Variants in NVL observed in about 807,000 individuals in gnomAD.
NVL encodes the protein nuclear valosin-containing protein-like.
In NVL, 84 loss-of-function variants were observed where a neutral mutation model predicts 110.2. The observed-to-expected ratio is 0.76, with a 90% CI of 0.64 to 0.91. The LOEUF (loss-of-function observed/expected upper bound fraction) is 0.91. Among genes scored for constraint, NVL ranks in the 40% least tolerant of loss-of-function variants. The pLI is 0.00. For synonymous variants in NVL, 354 were observed against 361.1 expected, an observed-to-expected ratio of 0.98 and a Z score of 0.22; for missense variants, 882 against 1,035.9, an observed-to-expected ratio of 0.85 and a Z score of 2.04.
intron 22 of NVL, among the ~76,000 whole-genome samples, chr1:224,230,792 G>A (rs1392365807): frequency 7.9e-5 from 12 of 152,096 alleles, no homozygotes; most frequent in African/African-American, 2.9e-4. Context: ...AATGAACCAT[G>A]TAATTTCTTT....
At chr1:224,238,653 T>G (rs1421933312) in intron 19 of NVL, among the ~76,000 whole-genome samples, 2 of 152,216 alleles carry the variant, frequency 1.3e-5, no homozygotes, top group Non-Finnish European at 2.9e-5. Flanking sequence ...TGTGCTTTTT[T>G]CTCTAAGTAA....
At chr1:224,306,741 G>A (rs1032290371) in intron 6 of NVL, among the ~76,000 whole-genome samples, 1 of 152,114 alleles carries the variant, frequency 6.6e-6, no homozygotes, top group African/African-American at 2.4e-5. Flanking sequence ...ACTGAGGTGG[G>A]GGGATGGCTT....
rs1319053246 is a variant in NVL at position 224,303,751 on chromosome 1, T to A, written c.932A>T (p.Lys311Met). 9.3e-6 allele frequency: 15 copies of A among 1,613,626 alleles called. No homozygotes were observed. Among genetic ancestry groups the A allele is most frequent in the Non-Finnish European group, 1.2e-5 (14 of 1,179,766 alleles). Residue 311 changes from lysine (K) to methionine (M), a missense_variant, in exon 9 of 23, where the codon AAG (lysine) becomes ATG (methionine). Around this residue, in one of 4 missense-constraint regions of NVL, gnomAD observed 416 missense variants for 499.3 expected, o/e 0.83. Transcript: ENST00000281701. ...AGCAATTGCATGTGCAAGTAATGTC[T>A]TCCCACAGCCTGGTGGTCCATGAAG... ...VLLHGPPGCG[K>M]TLLAHAIAGE...
chr1:224,310,848 A>G (rs1669448292), intron 5 of NVL, among the ~76,000 whole-genome samples: 1 of 151,956 alleles, frequency 6.6e-6, no homozygotes, highest in Non-Finnish European at 1.5e-5. Context: ...CTCCAGCCTC[A>G]GCCTCCTGAG....
chr1:224,239,574 C>T (rs1246092252), intron 19 of NVL, among the ~76,000 whole-genome samples: 1 of 152,122 alleles, frequency 6.6e-6, no homozygotes, highest in African/African-American at 2.4e-5. Context: ...AAGGACACTC[C>T]GCGTGCTGTT....
At chr1:224,311,309 C>A (rs1023182648) in intron 5 of NVL, among the ~76,000 whole-genome samples, 4 of 151,868 alleles carry the variant, frequency 2.6e-5, no homozygotes, top group Admixed American at 6.6e-5. Flanking sequence ...GATCCACCCT[C>A]CTTGGCCTTC....
At chr1:224,279,249 G>C (rs190251696) in intron 16 of NVL, among the ~76,000 whole-genome samples, 13 of 152,142 alleles carry the variant, frequency 8.5e-5, no homozygotes, top group Admixed American at 6.6e-4. Flanking sequence ...CATCAACAGA[G>C]ATAAGTATTA....
In NVL at chr1:224,293,444, T is replaced by A. The variant is rs561298962; in HGVS notation, c.1325+823A>T. Among the ~76,000 whole-genome samples, 5 of 152,338 alleles carry A rather than the reference T, an allele frequency of 3.3e-5. No individual in the cohort carries two copies. The South Asian group carries it at 1.0e-3, about 32-fold the overall frequency. The stretch of plus-strand genomic sequence containing the variant: ...TGAGATAGTCTCGCTTATGAAGTTA[T>A]ATTTCTGGTTATTGGTGGATATTTA... On this transcript the variant is annotated intron_variant, in intron 12 of 22. Coordinates refer to ENST00000281701, the MANE Select transcript of NVL (RefSeq NM_002533.4).
At position 224,286,035 on chromosome 1, in the gene NVL, C is replaced by T; in HGVS notation, c.1890G>A (p.Leu630=). The change falls in exon 15 of 23, where the codon CTG becomes CTA. Residue 630 remains leucine, a synonymous_variant. Coordinates refer to ENST00000281701, the MANE Select transcript of NVL (RefSeq NM_002533.4). ...TGAACTTATATGATACCTTCGCCAG[C>T]AGAGTCTTCCCACAGCCAGGAGGAC... ...LAGPPGCGKT[L]LAKAVANESG... 6.2e-7 allele frequency: 1 copy of T among 1,613,354 alleles called. No homozygotes were observed. Among genetic ancestry groups the T allele is most frequent in the South Asian group, 1.1e-5 (1 of 91,050 alleles).
chr1:224,298,602 AGGT>A (rs1668101060), intron 10 of NVL: 1 of 215,484 alleles, frequency 4.6e-6, no homozygotes, highest in South Asian at 8.6e-5. Context: ...ATGGCATAAT[AGGT>A]GGTAATAAAA....
intron 18 of NVL, among the ~76,000 whole-genome samples, chr1:224,255,165 G>C (rs1663046040): frequency 6.7e-6 from 1 of 148,856 alleles, no homozygotes; most frequent in African/African-American, 2.5e-5. Context: ...CAATGTGCCT[G>C]GCCCAAAATG....
At chr1:224,305,008 T>G (rs747380944) in intron 7 of NVL, 26 bp downstream of exon 7, 1 of 1,609,532 alleles carries the variant, frequency 6.2e-7, no homozygotes, top group Non-Finnish European at 8.5e-7. Context: ...ACATGACCAC[T>G]GCCACCAACA....
intron 5 of NVL, among the ~76,000 whole-genome samples, chr1:224,308,639 C>T (rs1301691044): frequency 1.2e-3 from 167 of 144,870 alleles, no homozygotes; most frequent in African/African-American, 4.1e-3. Context: ...TGCAGTGAGC[C>T]GAGATCACAC....
chr1:224,299,717 G>A (rs982859353), intron 10 of NVL, among the ~76,000 whole-genome samples: 5 of 152,186 alleles, frequency 3.3e-5, no homozygotes, highest in Admixed American at 6.5e-5. Flanking sequence ...GCTTTGCTCT[G>A]CACTCTGCCC....
chr1:224,236,485 A>C (rs775360285), intron 20 of NVL, 21 bp downstream of exon 20: 2 of 1,593,362 alleles, frequency 1.3e-6, no homozygotes, highest in South Asian at 2.2e-5. Flanking sequence ...GAGTGAATTG[A>C]CTTAAGATTT....
intron 19 of NVL, among the ~76,000 whole-genome samples, chr1:224,238,489 G>A (rs1660786822): frequency 1.3e-5 from 2 of 152,138 alleles, no homozygotes; most frequent in Non-Finnish European, 2.9e-5. Context: ...CCTCCCAGCA[G>A]GGCATGTTCA....
chr1:224,250,164 TTA>T (rs1662304187), intron 19 of NVL, 46 bp downstream of exon 19: 1 of 1,586,224 alleles, frequency 6.3e-7, no homozygotes. Context: ...CTGTCTCTAT[TTA>T]AAACAAGAGA....
chr1:224,237,867 T>C (rs1202499860), intron 19 of NVL, among the ~76,000 whole-genome samples: 5 of 148,736 alleles, frequency 3.4e-5, no homozygotes, highest in Non-Finnish European at 4.4e-5. Context: ...GGCAGGAGAA[T>C]CACTGGAACC....
At chr1:224,318,652 C>T (rs973796211) in intron 2 of NVL, among the ~76,000 whole-genome samples, 3 of 151,640 alleles carry the variant, frequency 2.0e-5, no homozygotes, top group African/African-American at 4.8e-5. Context: ...GTTACAGACC[C>T]TTCGTCTCAA....
Sources: gnomAD v4.1 joint callset for allele counts (sites outside exome capture counted in the v4.1 genomes callset) on GRCh38, gnomAD v4.1.1 for gene constraint, gnomAD v4.1.1 regional missense constraint, MANE v1.5 for transcripts, NCBI Gene and HGNC (gene_info 2026-07-23, HGNC 2026-07-21) for gene names.